TRIM25: variants seen among roughly 807,000 people sequenced by gnomAD.
TRIM25 encodes tripartite motif containing 25.
TRIM25 carries 45 observed loss-of-function variants against 65.2 expected under a neutral mutation model. The observed-to-expected ratio is 0.69, with a 90% confidence interval of 0.54 to 0.89. TRIM25 has a LOEUF of 0.89. Among genes scored for constraint, TRIM25 ranks in the 40% least tolerant of loss-of-function variants. TRIM25 has a pLI of 0.00. For missense variants in TRIM25, 714 were observed against 803.7 expected (o/e 0.89, Z 1.35); for synonymous variants, 321 against 340.4 (o/e 0.94, Z 0.63).
chr17:56,902,904 GT>G (rs1909441419), intron 3 of TRIM25, among the ~76,000 whole-genome samples: 1 of 152,166 alleles, frequency 6.6e-6, no homozygotes, highest in Admixed American at 6.5e-5. Flanking sequence ...GCACAAACTG[GT>G]TGTTTAACGG....
intron 8 of TRIM25, among the ~76,000 whole-genome samples, chr17:56,894,888 C>T (rs997068397): frequency 5.3e-5 from 8 of 152,118 alleles, no homozygotes; most frequent in Non-Finnish European, 1.2e-4. Flanking sequence ...CTGTCTTTTT[C>T]GTGAAGCAGA....
chr17:56,903,384 G>A (rs889176327), intron 3 of TRIM25, among the ~76,000 whole-genome samples: 1 of 152,184 alleles, frequency 6.6e-6, no homozygotes, highest in Non-Finnish European at 1.5e-5. Context: ...AGCAACAAGA[G>A]TGAAACTCCA....
intron 2 of TRIM25, among the ~76,000 whole-genome samples, chr17:56,905,232 C>T (rs186555638): frequency 2.6e-4 from 39 of 152,226 alleles, no homozygotes; most frequent in Middle Eastern, 3.4e-3. Flanking sequence ...GTTGTGGCAG[C>T]GCGCACCTGT....
In TRIM25 at chr17:56,890,154, T is replaced by C. The variant is rs1909138633; in HGVS notation, c.*1546A>G. The C allele has an allele frequency of 3.2e-6, 1 of 307,700 alleles. No individual in the cohort carries two copies. Among genetic ancestry groups the C allele is most frequent in the Non-Finnish European group, 6.0e-6 (1 of 167,610 alleles). 19.1% of individuals were successfully genotyped at this position (307,700 alleles called of 1,614,324 possible). On this transcript the variant is annotated 3_prime_UTR_variant, in exon 9 of 9. Transcript: ENST00000316881. ...CCAATGGTGACTTCTTTTCATATTA[T>C]AGGAAGCCTGACAGGAGCTCTCCTC...
Position 56,895,370 on chromosome 17 carries a change from C to T in TRIM25, c.1336G>A (p.Ala446Thr). 1 of 1,614,060 alleles carries T rather than the reference C, an allele frequency of 6.2e-7. No individual in the cohort carries two copies. The highest frequency in any genetic ancestry group is 8.5e-7 in the Non-Finnish European group (1 of 1,180,022). The change falls in exon 8 of 9, where the codon GCC (alanine) becomes ACC (threonine). Residue 446 changes from alanine (A) to threonine (T), a missense_variant. Transcript: ENST00000316881. ...TCCAGGAGCTCAGGTCTGGACTTGG[C>T]CAGGAAGGTCTCCAGCACCTTGGCC... Reference protein sequence around the residue: ...LKAKVLETFLAKSRPELLEYY... With the variant: ...LKAKVLETFLTKSRPELLEYY...
intron 8 of TRIM25, among the ~76,000 whole-genome samples, chr17:56,892,453 C>G (rs150712745): frequency 5.3e-5 from 8 of 152,264 alleles, no homozygotes; most frequent in Non-Finnish European, 1.0e-4. Flanking sequence ...ATCCATCTAT[C>G]CATCTACCCA....
intron 2 of TRIM25, among the ~76,000 whole-genome samples, chr17:56,904,717 C>T (rs1909486984): frequency 6.6e-6 from 1 of 152,198 alleles, no homozygotes; most frequent in South Asian, 2.1e-4. Context: ...ATTGCAGCCA[C>T]CTGCCCCTGA....
chr17:56,899,105 G>A lies in TRIM25; in HGVS notation c.1153+10C>T, dbSNP rs374790128. Reference sequence around the variant, plus strand: ...GCTGTTGCCATGGAGACAGGGGTGGGGCTACTTACTGGAGACCTTCTTCAC... The same window carrying A: ...GCTGTTGCCATGGAGACAGGGGTGGAGCTACTTACTGGAGACCTTCTTCAC... On this transcript the variant is annotated intron_variant, in intron 5 of 8. Transcript: ENST00000316881. The A allele has an allele frequency of 1.7e-5, 28 of 1,613,976 alleles. No individual in the cohort carries two copies. In the African/African-American group the frequency reaches 3.6e-4, roughly 21 times the overall value.
Position 56,891,764 on chromosome 17 carries a change from G to C in TRIM25, c.1829C>G (p.Ala610Gly), listed in dbSNP as rs753154179. 1 of 1,614,176 alleles carries C rather than the reference G, an allele frequency of 6.2e-7. No individual in the cohort carries two copies. The highest frequency in any genetic ancestry group is 1.3e-5 in the African/African-American group (1 of 75,028). The change falls in exon 9 of 9, where the codon GCT becomes GGT. Residue 610 changes from alanine to glycine, a missense_variant. Physicochemically the swap from Ala to Gly is moderately conservative, Grantham distance 60. Around this residue, in one of 3 missense-constraint regions of TRIM25, gnomAD observed 413 missense variants for 498.2 expected, o/e 0.83. Transcript: ENST00000316881. ...AAATACCCAGAAAGCCGGGTACAAA[G>C]CCTCAGTAAAGTCCACCCTGAACTT... ...MYKFRVDFTE[A>G]LYPAFWVFSA...
chr17:56,904,984 C>T (rs1476524398), intron 2 of TRIM25, among the ~76,000 whole-genome samples: 2 of 152,080 alleles, frequency 1.3e-5, no homozygotes, highest in East Asian at 3.9e-4. Context: ...TGGCTATATG[C>T]ACAAAGAAAC....
intron 5 of TRIM25, among the ~76,000 whole-genome samples, chr17:56,896,934 G>A (rs1909305921): frequency 6.6e-6 from 1 of 150,518 alleles, no homozygotes; most frequent in Admixed American, 6.6e-5. Flanking sequence ...TCAATATCCT[G>A]TCTCTACAAA....
rs371770246 is a variant in TRIM25 at position 56,891,962 on chromosome 17, C to T, written c.1631G>A (p.Arg544His). The change falls in exon 9 of 9, where the codon CGC becomes CAC. Residue 544 changes from arginine to histidine, a missense_variant. Physicochemically the swap from Arg to His is conservative, Grantham distance 29. Around this residue, in one of 3 missense-constraint regions of TRIM25, gnomAD observed 413 missense variants for 498.2 expected, o/e 0.83. Transcript: ENST00000316881. Reference protein sequence around the residue: ...NRQGPESRLGRNSASWCVEWF... With the variant: ...NRQGPESRLGHNSASWCVEWF... The stretch of plus-strand genomic sequence containing the variant: ...CTCCACGCACCAGGAGGCGCTGTTG[C>T]GGCCGAGCCTGCTTTCTGGGCCCTG... The T allele has an allele frequency of 9.9e-6, 16 of 1,614,220 alleles. No homozygotes were observed. Among genetic ancestry groups the T allele is most frequent in the Non-Finnish European group, 1.4e-5 (16 of 1,180,042 alleles).
In TRIM25 at chr17:56,898,973, C is replaced by T. The variant is rs138064586; in HGVS notation, c.1153+142G>A. On this transcript the variant is annotated intron_variant, in intron 5 of 8. Transcript: ENST00000316881. The stretch of plus-strand genomic sequence containing the variant: ...CTTCTGCCACAGCCCTACAGCCCCC[C>T]GCAGTGGGGACTGCCACCAACTTCT... The T allele has an allele frequency of 2.5e-3, 2,131 of 847,288 alleles. 36 individuals carry two copies. In the African/African-American group the frequency reaches 0.032, roughly 13 times the overall value. 52.5% of individuals were successfully genotyped at this position (847,288 alleles called of 1,614,324 possible).
intron 1 of TRIM25, 95 bp from the exon 2 acceptor site, chr17:56,908,658 C>T: frequency 8.0e-7 from 1 of 1,244,604 alleles, no homozygotes; most frequent in Non-Finnish European, 1.2e-6. Context: ...AGATTCCTTC[C>T]TCTTCCACTC....
chr17:56,891,824 A>T lies in TRIM25; in HGVS notation c.1769T>A (p.Phe590Tyr). The T allele has an allele frequency of 1.2e-6, 2 of 1,614,226 alleles. No homozygotes were observed. The highest frequency in any genetic ancestry group is 8.5e-7 in the Non-Finnish European group (1 of 1,180,026). ...GTGGACCTTGTCGGCAACAGCGAAG[A>T]AGATGACAAAGCCGTGGTCACAGTT... Reference protein sequence around the residue: ...LLNCDHGFVIFFAVADKVHLM... With the variant: ...LLNCDHGFVIYFAVADKVHLM... The change falls in exon 9 of 9, where the codon TTC becomes TAC. Residue 590 changes from phenylalanine to tyrosine, a missense_variant. Phe to Tyr is a conservative substitution (Grantham distance 22, BLOSUM62 3). Coordinates refer to ENST00000316881, the MANE Select transcript of TRIM25 (RefSeq NM_005082.5).
intron 1 of TRIM25, among the ~76,000 whole-genome samples, chr17:56,910,128 A>G (rs780560095): frequency 6.6e-6 from 1 of 152,050 alleles, no homozygotes; most frequent in Non-Finnish European, 1.5e-5. Context: ...TCATAGACAC[A>G]TGCCCAAACT....
intron 2 of TRIM25, among the ~76,000 whole-genome samples, chr17:56,904,924 G>A (rs1250297186): frequency 6.6e-6 from 1 of 152,170 alleles, no homozygotes; most frequent in Non-Finnish European, 1.5e-5. Context: ...ACTTGCAGAA[G>A]AAGATCCACC....
In TRIM25 at chr17:56,913,985, C is replaced by A; in HGVS notation, c.4G>T (p.Ala2Ser). 6.5e-7 allele frequency: 1 copy of A among 1,550,058 alleles called. No homozygotes were observed. The highest frequency in any genetic ancestry group is 1.9e-5 in the Admixed American group (1 of 52,600). ...TCCTCGGCCAGGGGGCACAGCTCTG[C>A]CATGGCGCTCCCAGGGGTCGGGACA... M[A>S]ELCPLAEELS... is the part of the protein sequence containing the mutation. The change falls in exon 1 of 9, where the codon GCA becomes TCA. Residue 2 changes from alanine (A) to serine (S), a missense_variant. Physicochemically the swap from Ala to Ser is moderately conservative, Grantham distance 99 (BLOSUM62 1). Around this residue, in one of 3 missense-constraint regions of TRIM25, gnomAD observed 291 missense variants for 281.8 expected, o/e 1.03. Coordinates refer to ENST00000316881, the MANE Select transcript of TRIM25 (RefSeq NM_005082.5). This position sits in a 1 kb window ranked among gnomAD's most constrained non-coding sequence, Gnocchi z 6.1.
intron 2 of TRIM25, among the ~76,000 whole-genome samples, chr17:56,905,987 A>G (rs1909513242): frequency 6.6e-6 from 1 of 152,170 alleles, no homozygotes; most frequent in Non-Finnish European, 1.5e-5. Context: ...ATAAAATACA[A>G]TAAATCTCAT....
Sources: gnomAD v4.1 joint callset for allele counts (sites outside exome capture counted in the v4.1 genomes callset) on GRCh38, gnomAD v4.1.1 for gene constraint, gnomAD v4.1.1 regional missense constraint, Gnocchi (gnomAD v3.1) non-coding constraint, MANE v1.5 for transcripts, NCBI Gene and HGNC (gene_info 2026-07-23, HGNC 2026-07-21) for gene names.